Variants in DOCK9 observed in about 807,000 individuals in gnomAD.
DOCK9 encodes the protein dedicator of cytokinesis protein 9.
DOCK9 carries 89 observed loss-of-function variants against 263.3 expected under a neutral mutation model. The observed-to-expected ratio is 0.34, with a 90% CI of 0.28 to 0.40. The LOEUF (loss-of-function observed/expected upper bound fraction) is 0.40. DOCK9 is among the 10% of genes least tolerant of loss of function. The pLI, the probability that DOCK9 is intolerant of heterozygous loss-of-function variation, is 1.00. For synonymous variants in DOCK9, 976 were observed against 973.1 expected, an observed-to-expected ratio of 1.00 and a Z score of -0.06; for missense variants, 2,140 against 2,603.4, an observed-to-expected ratio of 0.82 and a Z score of 3.87.
intron 48 of DOCK9, among the ~76,000 whole-genome samples, chr13:98,805,588 C>G (rs1026462948): frequency 6.6e-6 from 1 of 152,164 alleles, no homozygotes; most frequent in African/African-American, 2.4e-5. Flanking sequence ...CTAATACCAT[C>G]CAATACCCAG....
chr13:98,942,056 C>T (rs9582274), intron 2 of DOCK9, among the ~76,000 whole-genome samples: 1,524 of 152,252 alleles, frequency 0.01, 30 homozygotes, highest in African/African-American at 0.035. Flanking sequence ...GTTAAAACCC[C>T]TGTGGACATA....
Position 98,829,807 on chromosome 13 carries a change from C to G in DOCK9, c.4636-51G>C. On this transcript the variant is annotated intron_variant, in intron 41 of 52. Transcript: ENST00000682017. The surrounding 1 kb of genome is among the most constrained non-coding windows in gnomAD (Gnocchi z 4.1). ...ATCAATTTACCTTCAAATGACTGCCCAGGCTGGGCTTCTGCGTTCAGTTAG... is the reference window on the plus strand; with the variant it reads ...ATCAATTTACCTTCAAATGACTGCCGAGGCTGGGCTTCTGCGTTCAGTTAG... 2.7e-6 allele frequency: 4 copies of G among 1,494,914 alleles called. No individual in the cohort carries two copies. In the South Asian group the frequency reaches 3.6e-5, roughly 13 times the overall value. The allele number at this position is 1,494,914 out of a possible 1,614,324, so 92.6% of individuals were successfully genotyped here.
Position 98,898,217 on chromosome 13 carries a change from T to G in DOCK9, c.1548A>C (p.Arg516Ser). Reference protein sequence around the residue: ...VLKNAKQACQRLGQYRMPFAW... With the variant: ...VLKNAKQACQSLGQYRMPFAW... ...CAAATGGCATTCTATACTGTCCTAG[T>G]CTTTGGCATGCCTGCTTGGCATTCT... The change falls in exon 14 of 53, where the codon AGA (arginine) becomes AGC (serine). Residue 516 changes from arginine (R) to serine (S), a missense_variant. Transcript: ENST00000682017. The G allele has an allele frequency of 1.9e-6, 3 of 1,612,334 alleles. No homozygotes were observed. The highest frequency in any genetic ancestry group is 2.5e-6 in the Non-Finnish European group (3 of 1,179,202).
intron 1 of DOCK9, among the ~76,000 whole-genome samples, chr13:99,018,067 AAG>A (rs547089195): frequency 7.0e-4 from 107 of 152,376 alleles, no homozygotes; most frequent in African/African-American, 2.3e-3. Flanking sequence ...AAAAAACAAT[AAG>A]AGAGAATGAA....
chr13:98,975,472 T>TACACACAC (rs146581245), intron 1 of DOCK9, among the ~76,000 whole-genome samples: 10,189 of 142,408 alleles, frequency 0.072, 466 homozygotes, highest in East Asian at 0.18. Flanking sequence ...TCTAAACACA[T>TACACACAC]ACACACACAC....
At chr13:98,878,581 A>C (rs993692634) in intron 27 of DOCK9, among the ~76,000 whole-genome samples, 2 of 152,220 alleles carry the variant, frequency 1.3e-5, no homozygotes, top group Admixed American at 1.3e-4. Context: ...GCATACTGCC[A>C]AGCAGACAAT....
intron 3 of DOCK9, among the ~76,000 whole-genome samples, chr13:98,928,927 G>A (rs1214444396): frequency 6.6e-6 from 1 of 152,092 alleles, no homozygotes; most frequent in Non-Finnish European, 1.5e-5. Context: ...TCAGAAAGAT[G>A]AGGGAACACA....
At chr13:98,922,549 AC>A (rs1459116431) in intron 5 of DOCK9, among the ~76,000 whole-genome samples, 18 of 152,286 alleles carry the variant, frequency 1.2e-4, no homozygotes, top group African/African-American at 3.4e-4. Context: ...ATTCCTGGAA[AC>A]CTTCCCAGAG....
rs1183812083 is a variant in DOCK9 at position 98,883,866 on chromosome 13, C to T, written c.2416G>A (p.Gly806Ser). The T allele has an allele frequency of 1.2e-6, 2 of 1,612,200 alleles. No individual in the cohort carries two copies. The highest frequency in any genetic ancestry group is 1.1e-5 in the South Asian group (1 of 90,330). The change falls in exon 22 of 53, where the codon GGC (glycine) becomes AGC (serine). Residue 806 changes from glycine (G) to serine (S), a missense_variant. By Grantham distance (56) the Gly-to-Ser change is moderately conservative (BLOSUM62 0). Coordinates refer to ENST00000682017, the MANE Select transcript of DOCK9 (RefSeq NM_001366683.2). Reference sequence around the variant, plus strand: ...GTGGAAATTTTCAGCAGTGGCTTGCCTCCATCTACCCATTTAATTTCCGGA... The same window carrying T: ...GTGGAAATTTTCAGCAGTGGCTTGCTTCCATCTACCCATTTAATTTCCGGA... The part of the protein sequence containing the change: ...YGPEIKWVDG[G>S]KPLLKISTHL...
intron 2 of DOCK9, among the ~76,000 whole-genome samples, chr13:98,939,099 T>C (rs988390704): frequency 2.6e-5 from 4 of 152,214 alleles, no homozygotes; most frequent in African/African-American, 9.6e-5. Context: ...CCCAGGTAGT[T>C]CTCGAGAGCC....
chr13:98,991,173 G>A (rs1427854257), intron 1 of DOCK9, among the ~76,000 whole-genome samples: 1 of 151,970 alleles, frequency 6.6e-6, no homozygotes, highest in Admixed American at 6.6e-5. Flanking sequence ...CTGGGTTCAC[G>A]TTGATTCTTT....
chr13:98,875,104 C>T (rs1459782838), intron 27 of DOCK9, among the ~76,000 whole-genome samples: 5 of 152,172 alleles, frequency 3.3e-5, no homozygotes, highest in Non-Finnish European at 7.4e-5. Context: ...TTGAAGCTCA[C>T]ATATGCACCT....
chr13:99,035,370 C>G (rs1486296736), intron 1 of DOCK9, among the ~76,000 whole-genome samples: 1 of 152,162 alleles, frequency 6.6e-6, no homozygotes, highest in Non-Finnish European at 1.5e-5. Context: ...GCTGGTGGGC[C>G]TCTGGCTACC....
rs1394845327 is a variant in DOCK9, at chr13:98,897,557, G to C, written c.1640C>G (p.Ala547Gly). The part of the protein sequence containing the change: ...GNLDKNARFS[A>G]IYRQDSNKLS... Reference sequence around the variant, plus strand: ...CTTATTGCTGTCTTGCCTGTAGATGGCAGAAAATCTGGCATTTTTGTCAAG... The same window carrying C: ...CTTATTGCTGTCTTGCCTGTAGATGCCAGAAAATCTGGCATTTTTGTCAAG... Residue 547 changes from alanine to glycine, a missense_variant, in exon 15 of 53, where the codon GCC becomes GGC. Ala to Gly is a moderately conservative substitution (Grantham distance 60). This residue lies in a region of DOCK9 where 1,521 missense variants were observed against 1,741.7 expected (regional missense o/e 0.87). Transcript: ENST00000682017. 1.2e-6 allele frequency: 2 copies of C among 1,613,894 alleles called. No homozygotes were observed. Among genetic ancestry groups the C allele is most frequent in the Non-Finnish European group, 8.5e-7 (1 of 1,179,830 alleles).
At chr13:98,847,052 T>C (rs1333104973) in intron 37 of DOCK9, 1 of 156,602 alleles carries the variant, frequency 6.4e-6, no homozygotes, top group Non-Finnish European at 1.4e-5. Flanking sequence ...GAAGATTTTC[T>C]TTTAAGAAGT....
chr13:98,992,533 C>A (rs1440236980), intron 1 of DOCK9, among the ~76,000 whole-genome samples: 1 of 152,144 alleles, frequency 6.6e-6, no homozygotes, highest in Non-Finnish European at 1.5e-5. Context: ...TGGGAGAGAT[C>A]CGGTGGGAAG....
chr13:98,802,537 C>A (rs1027132028), intron 49 of DOCK9, among the ~76,000 whole-genome samples: 2 of 152,168 alleles, frequency 1.3e-5, no homozygotes, highest in African/African-American at 4.8e-5. Flanking sequence ...TTGGAAGACT[C>A]TGGAATAGTG....
chr13:98,964,424 G>C (rs2058992921), intron 1 of DOCK9, among the ~76,000 whole-genome samples: 2 of 152,198 alleles, frequency 1.3e-5, no homozygotes, highest in Non-Finnish European at 2.9e-5. Flanking sequence ...AGTTGAACAA[G>C]CCAGCCAGGA....
intron 1 of DOCK9, among the ~76,000 whole-genome samples, chr13:99,051,855 C>CAAAAAAAAAAAAAAAAAAAAA: frequency 9.4e-6 from 1 of 106,054 alleles, no homozygotes; most frequent in African/African-American, 3.6e-5. Flanking sequence ...CCACTAGTGG[C>CAAAAAAAAAAAAAAAAAAAAA]AAAAAAAAAA....
Sources: gnomAD v4.1 joint callset for allele counts (sites outside exome capture counted in the v4.1 genomes callset) on GRCh38, gnomAD v4.1.1 for gene constraint, gnomAD v4.1.1 regional missense constraint, Gnocchi (gnomAD v3.1) non-coding constraint, MANE v1.5 for transcripts, NCBI Gene and HGNC (gene_info 2026-07-23, HGNC 2026-07-21) for gene names.